Variants in DNAJB1 observed in about 807,000 individuals in gnomAD.
The protein encoded by DNAJB1 is dnaJ homolog subfamily B member 1.
DNAJB1 carries 14 observed loss-of-function variants against 24.0 expected under a neutral mutation model. That is an observed-to-expected ratio of 0.58 (90% CI 0.39 to 0.91). The LOEUF is 0.91. Ranked by LOEUF, DNAJB1 falls within the 40% of genes least tolerant of loss-of-function variation. The probability of loss-of-function intolerance (pLI) is 0.00; values close to 1 mark genes in which losing one functional copy is unlikely to be tolerated. For missense variants in DNAJB1, 517 were observed against 458.1 expected (o/e 1.13, Z -1.17); for synonymous variants, 262 against 174.4 (o/e 1.50, Z -3.96).
intron 2 of DNAJB1, among the ~76,000 whole-genome samples, chr19:14,524,386 G>A (rs1436252050): frequency 6.6e-6 from 1 of 151,960 alleles, no homozygotes; most frequent in Non-Finnish European, 1.5e-5. Flanking sequence ...AAAGAAATAA[G>A]CTGGGCATGG....
upstream of DNAJB1, chr19:14,532,038 A>G (rs2072690633): frequency 6.7e-6 from 1 of 150,250 alleles, no homozygotes; most frequent in Non-Finnish European, 1.5e-5. Context: ...AAAAGCTACC[A>G]TGTCCAGCTT....
rs1449487244 is a variant in DNAJB1 at position 14,515,454 on chromosome 19, A to G, written c.*486T>C. The G allele has an allele frequency of 6.4e-6, 1 of 155,204 alleles. No homozygotes were observed. The highest frequency in any genetic ancestry group is 6.5e-5 in the Admixed American group (1 of 15,300). 9.6% of individuals were successfully genotyped at this position (155,204 alleles called of 1,614,324 possible). On this transcript the variant is annotated 3_prime_UTR_variant, in exon 3 of 3. Coordinates refer to ENST00000254322, the MANE Select transcript of DNAJB1 (RefSeq NM_006145.3). ...TCTCAATTTGAGATGGCCAAAGAGA[A>G]GACAGAATTCTCCAGGAGAAGAGCA... is the stretch of plus-strand genomic sequence containing the variant.
intron 2 of DNAJB1, among the ~76,000 whole-genome samples, chr19:14,525,782 T>A (rs1225606746): frequency 6.6e-6 from 1 of 151,272 alleles, no homozygotes; most frequent in African/African-American, 2.4e-5. Flanking sequence ...TGAATTTTAC[T>A]ACATGTCAAT....
At chr19:14,526,718 T>G (rs2072430887) in intron 2 of DNAJB1, among the ~76,000 whole-genome samples, 2 of 152,164 alleles carry the variant, frequency 1.3e-5, no homozygotes, top group African/African-American at 2.4e-5. Context: ...TGACACCTAC[T>G]TGTACACCAT....
rs1341683639 is a variant in DNAJB1, at chr19:14,516,773, G to GGAT, written c.482_484dup (p.Asp161_Pro162insHis). The stretch of plus-strand genomic sequence containing the variant: ...GACTCGAAGGTCGTGGGTGACTGGG[G>GGAT]GATCTTGCTTCTTTCGGGCGGGCTC... On this transcript the variant is annotated inframe_insertion, in exon 2 of 3. Transcript: ENST00000254322. 1 of 1,613,970 alleles carries GGAT rather than the reference G, an allele frequency of 6.2e-7. No homozygotes were observed. Among genetic ancestry groups the GGAT allele is most frequent in the African/African-American group, 1.3e-5 (1 of 75,036 alleles).
chr19:14,546,326 C>G (rs1413223378), intron 1 of DNAJB1, among the ~76,000 whole-genome samples: 3 of 151,914 alleles, frequency 2.0e-5, no homozygotes, highest in Non-Finnish European at 4.4e-5. Flanking sequence ...GTGGCTCACA[C>G]CTGTAATTTC....
upstream of DNAJB1, among the ~76,000 whole-genome samples, chr19:14,520,933 C>T (rs2072352622): frequency 6.6e-6 from 1 of 152,070 alleles, no homozygotes; most frequent in Admixed American, 6.6e-5. Flanking sequence ...TTTGAGGCTG[C>T]AGTCAGCTAT....
chr19:14,551,434 C>T (rs550325552), upstream of DNAJB1, among the ~76,000 whole-genome samples: 4 of 152,194 alleles, frequency 2.6e-5, no homozygotes, highest in African/African-American at 9.6e-5. Context: ...GCAGGAATTC[C>T]CTAATTCCTA....
At chr19:14,544,361 G>C (rs900571164) in intron 1 of DNAJB1, among the ~76,000 whole-genome samples, 1 of 152,056 alleles carries the variant, frequency 6.6e-6, no homozygotes, top group Non-Finnish European at 1.5e-5. Flanking sequence ...GAACGAGTAT[G>C]TGTATGTTTG....
intron 2 of DNAJB1, among the ~76,000 whole-genome samples, chr19:14,523,611 C>CTT: frequency 6.8e-6 from 1 of 147,258 alleles, no homozygotes; most frequent in South Asian, 2.2e-4. Flanking sequence ...TACACCCGGC[C>CTT]TTGTTTTTGT....
At position 14,549,211 on chromosome 19, in the gene DNAJB1, C is replaced by CTTTTTT. The variant is rs561284094; in HGVS notation, c.-214+991_-214+996dup. On this transcript the variant is annotated intron_variant, in intron 1 of 3. Coordinates refer to the DNAJB1 transcript ENST00000676982. ...ATTATTTCCACAACCTTTAATTGGA[C>CTTTTTT]TTTTTTTTTTTTTTTTTTTTGAGAT... Among the ~76,000 whole-genome samples, 501 of 111,136 alleles carry CTTTTTT rather than the reference C, an allele frequency of 4.5e-3. 6 individuals carry two copies. The highest frequency in any genetic ancestry group is 5.7e-3 in the African/African-American group (158 of 27,780). The allele number at this position is 111,136 out of a possible 152,430, so 72.9% of individuals were successfully genotyped here.
chr19:14,527,591 G>A (rs1015988243), intron 2 of DNAJB1: 1 of 152,168 alleles, frequency 6.6e-6, no homozygotes, highest in Admixed American at 6.5e-5. Context: ...ACATAGCGTT[G>A]GCTTCCTGTA....
upstream of DNAJB1, among the ~76,000 whole-genome samples, chr19:14,518,794 C>T (rs1034135171): frequency 1.3e-5 from 2 of 152,232 alleles, no homozygotes; most frequent in Admixed American, 6.5e-5. Flanking sequence ...TGGGACTACC[C>T]AGTCCTTTCC....
chr19:14,533,397 G>T (rs113855478), upstream of DNAJB1, among the ~76,000 whole-genome samples: 3,034 of 151,996 alleles, frequency 0.02, 87 homozygotes, highest in African/African-American at 0.065. Context: ...TCCAGCCTGG[G>T]TGACAAGAAC....
chr19:14,540,129 G>A (rs1164204162), intron 1 of DNAJB1, among the ~76,000 whole-genome samples: 1 of 150,686 alleles, frequency 6.6e-6, no homozygotes, highest in Non-Finnish European at 1.5e-5. Flanking sequence ...GCATGATCTC[G>A]GCTCACTGCA....
intron 1 of DNAJB1, among the ~76,000 whole-genome samples, chr19:14,556,722 C>T (rs996042045): frequency 1.3e-5 from 2 of 152,214 alleles, no homozygotes; most frequent in Admixed American, 6.5e-5. Context: ...AGGTCCCATT[C>T]TGCACCAGAG....
At chr19:14,543,140 C>G (rs1240335229) in intron 1 of DNAJB1, among the ~76,000 whole-genome samples, 2 of 151,044 alleles carry the variant, frequency 1.3e-5, no homozygotes, top group Non-Finnish European at 2.9e-5. Flanking sequence ...TGGAAACAGG[C>G]TGAAGTCACG....
At chr19:14,542,562 A>G (rs758771912) in intron 1 of DNAJB1, among the ~76,000 whole-genome samples, 15 of 151,792 alleles carry the variant, frequency 9.9e-5, no homozygotes, top group East Asian at 1.9e-4. Context: ...TTGTTTTACT[A>G]TATTGGCTAG....
chr19:14,523,524 G>A (rs985654049), intron 2 of DNAJB1, among the ~76,000 whole-genome samples: 1 of 151,706 alleles, frequency 6.6e-6, no homozygotes, highest in Non-Finnish European at 1.5e-5. Context: ...ATGTTGGCCA[G>A]GCTAATCTCG....
Sources: allele counts gnomAD v4.1 joint callset (sites outside exome capture counted in the v4.1 genomes callset), GRCh38; gene constraint gnomAD v4.1.1; transcripts MANE v1.5; gene names NCBI Gene and HGNC (gene_info 2026-07-23, HGNC 2026-07-21).